MASP1: variants seen among roughly 807,000 people sequenced by gnomAD.
MASP1 encodes mannan-binding lectin serine protease 1.
A neutral mutation model predicts 77.1 loss-of-function variants in MASP1; 59 were observed. The observed-to-expected ratio is 0.77, with a 90% confidence interval of 0.62 to 0.95. The LOEUF is 0.95. MASP1 is among the 40% of genes least tolerant of loss of function. The probability of loss-of-function intolerance (pLI) is 0.00; values close to 1 mark genes in which losing one functional copy is unlikely to be tolerated. For missense variants in MASP1, 885 were observed against 912.9 expected (o/e 0.97, Z 0.39); for synonymous variants, 362 against 354.5 (o/e 1.02, Z -0.24).
intron 9 of MASP1, chr3:187,242,344 T>A (rs901444680): frequency 2.0e-5 from 3 of 152,204 alleles, no homozygotes; most frequent in African/African-American, 7.2e-5. Context: ...AAAGCGGGTC[T>A]CTACTAAAAA....
At chr3:187,232,660 C>T (rs2108509057), downstream of MASP1, among the ~76,000 whole-genome samples, 3 of 152,256 alleles carry the variant, frequency 2.0e-5, no homozygotes, top group Middle Eastern at 6.8e-3. Context: ...GATGTGTCTC[C>T]CCGACTCCAT....
chr3:187,241,699 T>C (rs1485226769), intron 9 of MASP1, 144 bp from the exon 10 acceptor site: 1 of 662,892 alleles, frequency 1.5e-6, no homozygotes, highest in East Asian at 2.8e-5. Context: ...TACGATTGTC[T>C]CTGAGCCTAG....
intron 1 of MASP1, among the ~76,000 whole-genome samples, chr3:187,286,545 T>C (rs1343461481): frequency 6.6e-6 from 1 of 152,138 alleles, no homozygotes; most frequent in Non-Finnish European, 1.5e-5. Context: ...TGCAAAATCT[T>C]TAATAAAGAA....
At chr3:187,223,175 G>A (rs748110956) in exon 14 of MASP1, 50 of 1,613,938 alleles carry the variant, frequency 3.1e-5, no homozygotes, top group South Asian at 1.4e-4. Context: ...TCCCCCAGCC[G>A]CTGACGATGA....
intron 15 of MASP1, chr3:187,220,905 G>T: frequency 1.4e-6 from 1 of 715,356 alleles, no homozygotes; most frequent in Non-Finnish European, 2.5e-6. Context: ...TCCTCCCACG[G>T]CCTTCCTCCA....
intron 2 of MASP1, among the ~76,000 whole-genome samples, chr3:187,279,351 T>C (rs1717652): frequency 0.51 from 78,208 of 152,122 alleles, 20,201 homozygotes; most frequent in Admixed American, 0.6. Context: ...TGGCTGATTG[T>C]TGAAGGCAGG....
intron 2 of MASP1, among the ~76,000 whole-genome samples, chr3:187,264,704 CT>C (rs1715876182): frequency 6.6e-6 from 1 of 152,232 alleles, no homozygotes; most frequent in African/African-American, 2.4e-5. Flanking sequence ...GTTTTATTTC[CT>C]GTCTTTTTAT....
intron 7 of MASP1, among the ~76,000 whole-genome samples, chr3:187,250,802 TCCTCTAGC>T (rs1315692022): frequency 5.9e-5 from 9 of 152,120 alleles, no homozygotes; most frequent in Admixed American, 1.3e-4. Flanking sequence ...AAAGCGATGG[TCCTCTAGC>T]TTGGCTGCAC....
chr3:187,220,286 A>G (rs1259181361), intron 15 of MASP1: 1 of 1,608,440 alleles, frequency 6.2e-7, no homozygotes, highest in Admixed American at 1.7e-5. Context: ...GACATAGATG[A>G]AGATAAAATG....
chr3:187,218,859 G>C (rs1323152570), exon 16 of MASP1: 2 of 152,330 alleles, frequency 1.3e-5, no homozygotes, highest in African/African-American at 2.4e-5. Flanking sequence ...TGCAAGATGA[G>C]GGAGTTCAGG....
rs1718217093 is a variant in MASP1, at chr3:187,290,444, T to A, written c.5+1184A>T. ...GGATTCAGACCAGATCATTGACAGA[T>A]AAATGAGATTATCATTCAATGTAGA... On this transcript the variant is annotated intron_variant, in intron 1 of 10. Transcript: ENST00000296280. Among the ~76,000 whole-genome samples the A allele has an allele frequency of 2.0e-5, 3 of 152,232 alleles. No homozygotes were observed. In the South Asian group the frequency reaches 6.2e-4, roughly 32 times the overall value.
At chr3:187,225,594 C>T in intron 12 of MASP1, 1 of 1,410,292 alleles carries the variant, frequency 7.1e-7, no homozygotes, top group Non-Finnish European at 1.0e-6. Flanking sequence ...GCCCCAGCCC[C>T]ATCCAGCCCT....
chr3:187,260,778 G>T lies in MASP1; in HGVS notation c.510C>A (p.Phe170Leu), dbSNP rs553549384. The T allele has an allele frequency of 6.2e-7, 1 of 1,613,982 alleles. No homozygotes were observed. Among genetic ancestry groups the T allele is most frequent in the African/African-American group, 1.3e-5 (1 of 74,924 alleles). ...YIGGYYCSCR[F>L]GYILHTDNRT... ...TGTTGTCTGTGTGGAGGATGTAGCCGAAGCGGCAGGAGCAGTAGTAGCCGC... is the reference window on the plus strand; with the variant it reads ...TGTTGTCTGTGTGGAGGATGTAGCCTAAGCGGCAGGAGCAGTAGTAGCCGC... The change falls in exon 4 of 11, where the codon TTC becomes TTA. Residue 170 changes from phenylalanine to leucine, a missense_variant. Phe to Leu is a conservative substitution (Grantham distance 22). Transcript: ENST00000296280.
chr3:187,236,631 G>C, intron 10 of MASP1, 64 bp from the exon 11 acceptor site: 1 of 1,612,256 alleles, frequency 6.2e-7, no homozygotes, highest in South Asian at 1.1e-5. Context: ...CATGTGACAG[G>C]AGCCACAAAG....
intron 2 of MASP1, among the ~76,000 whole-genome samples, chr3:187,277,570 C>T (rs1278984441): frequency 2.0e-5 from 3 of 152,056 alleles, no homozygotes; most frequent in Admixed American, 6.6e-5. Flanking sequence ...AGGAATAATG[C>T]ATGGCCAGGA....
chr3:187,250,944 G>A (rs1199003251), intron 7 of MASP1, among the ~76,000 whole-genome samples: 1 of 152,014 alleles, frequency 6.6e-6, no homozygotes, highest in Non-Finnish European at 1.5e-5. Flanking sequence ...GGGAGAGTGA[G>A]GGGAACCCAT....
intron 2 of MASP1, among the ~76,000 whole-genome samples, chr3:187,271,636 C>A (rs73191724): frequency 6.8e-6 from 1 of 147,884 alleles, no homozygotes; most frequent in Middle Eastern, 3.2e-3. Context: ...GTTAGTGGAA[C>A]TATAGGTAAT....
chr3:187,274,614 A>G (rs1447537721), intron 2 of MASP1, among the ~76,000 whole-genome samples: 1 of 152,248 alleles, frequency 6.6e-6, no homozygotes, highest in Non-Finnish European at 1.5e-5. Context: ...TGCTCTTTCC[A>G]GGATGGTGTT....
downstream of MASP1, chr3:187,229,964 T>C: frequency 1.9e-6 from 3 of 1,582,822 alleles, no homozygotes; most frequent in South Asian, 1.1e-5. Context: ...CTGCCAGAGC[T>C]CCCAGCTCCT....
Sources: gnomAD v4.1 joint callset for allele counts (sites outside exome capture counted in the v4.1 genomes callset) on GRCh38, gnomAD v4.1.1 for gene constraint, MANE v1.5 for transcripts, NCBI Gene and HGNC (gene_info 2026-07-23, HGNC 2026-07-21) for gene names.